Variants in TIPIN observed in about 807,000 individuals in gnomAD.
The protein encoded by TIPIN is TIMELESS-interacting protein.
In TIPIN, 29 loss-of-function variants were observed where a neutral mutation model predicts 35.6. That is an observed-to-expected ratio of 0.82 (90% CI 0.61 to 1.11). The LOEUF (loss-of-function observed/expected upper bound fraction) is 1.11, where lower values mean the gene tolerates loss of function less well. Among genes scored for constraint, TIPIN ranks in the 50% most tolerant of loss-of-function variants. The probability of loss-of-function intolerance (pLI) is 0.00; values close to 1 mark genes in which losing one functional copy is unlikely to be tolerated. For synonymous variants in TIPIN, 102 were observed against 121.5 expected (o/e 0.84, Z 1.06); for missense variants, 296 against 345.4 (o/e 0.86, Z 1.13).
At position 66,384,995 on chromosome 15, in the gene TIPIN, A is replaced by G. The variant is rs186565631; in HGVS notation, c.-9+1612T>C. On this transcript the variant is annotated intron_variant, in intron 1 of 7. Transcript: ENST00000562124. ...GTTCACACTGATACCTCCAATTCCA[A>G]TACAATAGCGTAAGGTATTCTCCCT... is the stretch of plus-strand genomic sequence containing the variant. Among the ~76,000 whole-genome samples, 61 of 152,348 alleles carry G rather than the reference A, an allele frequency of 4.0e-4. 1 individual carries two copies. The East Asian group carries it at 4.2e-3, about 11-fold the overall frequency.
intron 1 of TIPIN, among the ~76,000 whole-genome samples, chr15:66,354,589 T>C (rs377440816): frequency 6.6e-6 from 1 of 152,216 alleles, no homozygotes; most frequent in Non-Finnish European, 1.5e-5. Context: ...TGGTTTCTGA[T>C]TGCTCTTAAG....
chr15:66,365,857 T>C (rs1341545103), intron 1 of TIPIN, among the ~76,000 whole-genome samples: 4 of 151,952 alleles, frequency 2.6e-5, no homozygotes, highest in Non-Finnish European at 4.4e-5. Context: ...CTCTGCATAT[T>C]AGTTTACTTT....
At chr15:66,367,610 G>A (rs774676406) in intron 1 of TIPIN, among the ~76,000 whole-genome samples, 1 of 151,826 alleles carries the variant, frequency 6.6e-6, no homozygotes, top group Non-Finnish European at 1.5e-5. Flanking sequence ...GTCCAGGCTT[G>A]TCTTGAAATC....
intron 6 of TIPIN, among the ~76,000 whole-genome samples, 189 bp downstream of exon 6, chr15:66,348,871 G>C (rs1292273056): frequency 6.6e-6 from 1 of 152,152 alleles, no homozygotes; most frequent in Non-Finnish European, 1.5e-5. Context: ...CTTAAGCCCA[G>C]GAGTTGAAGG....
chr15:66,379,660 G>A, intron 1 of TIPIN: 1 of 1,611,102 alleles, frequency 6.2e-7, no homozygotes. Context: ...CGGAAGCCCA[G>A]TGTAACACCC....
At chr15:66,356,414 G>C (rs548275832) in intron 1 of TIPIN, among the ~76,000 whole-genome samples, 1 of 152,270 alleles carries the variant, frequency 6.6e-6, no homozygotes, top group East Asian at 1.9e-4. Context: ...AAGCGGCTTG[G>C]CAGAGTAAGA....
At chr15:66,380,312 CTTCAT>C (rs1035610083) in intron 1 of TIPIN, among the ~76,000 whole-genome samples, 1 of 151,928 alleles carries the variant, frequency 6.6e-6, no homozygotes, top group Non-Finnish European at 1.5e-5. Flanking sequence ...GCCCCTACAC[CTTCAT>C]TTCTTTTTCA....
intron 1 of TIPIN, among the ~76,000 whole-genome samples, chr15:66,355,275 C>T (rs1462947795): frequency 6.6e-6 from 1 of 150,726 alleles, no homozygotes; most frequent in Non-Finnish European, 1.5e-5. Flanking sequence ...CCTCGTGATC[C>T]GCCCGCCTCG....
intron 1 of TIPIN, chr15:66,371,162 G>C (rs1478488599): frequency 5.9e-5 from 52 of 886,334 alleles, no homozygotes; most frequent in Non-Finnish European, 6.6e-5. Context: ...AGTGAGCTGA[G>C]ATCTCGCCAT....
chr15:66,347,758 AT>A (rs1481799722), intron 6 of TIPIN, among the ~76,000 whole-genome samples: 1 of 151,876 alleles, frequency 6.6e-6, no homozygotes, highest in African/African-American at 2.4e-5. Flanking sequence ...TAATTTTTGT[AT>A]TTTCAGTACA....
chr15:66,364,135 T>C (rs544926330), intron 1 of TIPIN, among the ~76,000 whole-genome samples: 1 of 149,532 alleles, frequency 6.7e-6, no homozygotes, highest in Non-Finnish European at 1.5e-5. Context: ...CATATCAACA[T>C]GCTATAGAGA....
intron 1 of TIPIN, among the ~76,000 whole-genome samples, chr15:66,378,698 G>T (rs2093306744): frequency 6.6e-6 from 1 of 151,202 alleles, no homozygotes; most frequent in Admixed American, 6.6e-5. Flanking sequence ...TTCTCTAGCA[G>T]TACTTGTATG....
chr15:66,347,010 T>C (rs1223935179), intron 6 of TIPIN, among the ~76,000 whole-genome samples: 2 of 152,104 alleles, frequency 1.3e-5, no homozygotes, highest in Non-Finnish European at 2.9e-5. Flanking sequence ...TTAGCCAGGA[T>C]GGTCTCGATC....
intron 1 of TIPIN, among the ~76,000 whole-genome samples, chr15:66,373,211 T>C (rs2093283803): frequency 6.6e-6 from 1 of 151,824 alleles, no homozygotes; most frequent in African/African-American, 2.4e-5. Context: ...TACACAGTCA[T>C]GGCCGGGCGC....
intron 1 of TIPIN, among the ~76,000 whole-genome samples, chr15:66,379,054 CAA>C (rs959258657): frequency 1.1e-4 from 17 of 151,854 alleles, no homozygotes; most frequent in African/African-American, 3.9e-4. Context: ...CCGCCGTGCA[CAA>C]AGTTTTTTTT....
chr15:66,347,988 A>T (rs2093138147), intron 6 of TIPIN, among the ~76,000 whole-genome samples: 1 of 148,262 alleles, frequency 6.7e-6, no homozygotes, highest in Admixed American at 7.1e-5. Context: ...GCCTCCTCTA[A>T]CTACTTCTAT....
chr15:66,378,707 T>A (rs578211430), intron 1 of TIPIN, among the ~76,000 whole-genome samples: 64 of 151,922 alleles, frequency 4.2e-4, no homozygotes, highest in Middle Eastern at 3.4e-3. Flanking sequence ...AGTACTTGTA[T>A]GATTTCACCT....
At chr15:66,343,661 T>C (rs1199812514) in intron 6 of TIPIN, among the ~76,000 whole-genome samples, 1 of 151,822 alleles carries the variant, frequency 6.6e-6, no homozygotes, top group African/African-American at 2.4e-5. Context: ...CTGATAAGAG[T>C]ATATGTATGA....
At chr15:66,372,106 T>C (rs956416312) in intron 1 of TIPIN, among the ~76,000 whole-genome samples, 2 of 152,154 alleles carry the variant, frequency 1.3e-5, no homozygotes, top group Admixed American at 1.3e-4. Flanking sequence ...GTAATTGTTT[T>C]ACTGAAGGGT....
Sources: gnomAD v4.1 joint callset for allele counts (sites outside exome capture counted in the v4.1 genomes callset) on GRCh38, gnomAD v4.1.1 for gene constraint, MANE v1.5 for transcripts, NCBI Gene and HGNC (gene_info 2026-07-23, HGNC 2026-07-21) for gene names.